GPR52: variants seen among roughly 807,000 people sequenced by gnomAD.
The protein encoded by GPR52 is probable G-protein coupled receptor 52.
In GPR52, 8 loss-of-function variants were observed where a neutral mutation model predicts 24.0. The ratio of observed to expected loss-of-function variants is 0.33; its 90% CI spans 0.20 to 0.60. The LOEUF is 0.60. GPR52 is among the 20% of genes least tolerant of loss of function. The pLI is 0.82. For missense variants in GPR52, 412 were observed against 447.7 expected (o/e 0.92, Z 0.72); for synonymous variants, 144 against 158.1 (o/e 0.91, Z 0.67).
At position 174,449,029 on chromosome 1, in the gene GPR52, A is replaced by G. The variant is rs145628903; in HGVS notation, c.918A>G (p.Ala306=). 6 of 1,613,880 alleles carry G rather than the reference A, an allele frequency of 3.7e-6. No homozygotes were observed. The highest frequency in any genetic ancestry group is 4.2e-6 in the Non-Finnish European group (5 of 1,179,880). Residue 306 remains alanine, a synonymous_variant, in exon 1 of 1, where the codon GCA becomes GCG. Coordinates refer to ENST00000367685, the MANE Select transcript of GPR52 (RefSeq NM_005684.5). ...PTLSFLTTWL[A]ISNSFCNCVI... Reference sequence around the variant, plus strand: ...TGTCCTTCTTAACAACCTGGCTTGCAATAAGTAATAGTTTTTGTAACTGTG... The same window carrying G: ...TGTCCTTCTTAACAACCTGGCTTGCGATAAGTAATAGTTTTTGTAACTGTG...
rs774567932 is a variant in GPR52, at chr1:174,448,873, G to T, written c.762G>T (p.Glu254Asp). Residue 254 changes from glutamate to aspartate, a missense_variant, in exon 1 of 1, where the codon GAG (glutamate) becomes GAT (aspartate). Transcript: ENST00000367685. This position sits in a 1 kb window ranked among gnomAD's most constrained non-coding sequence, Gnocchi z 4.2. Reference sequence around the variant, plus strand: ...GTCATGAGGTAGATTCTTCCAGAGAGACTGGACACAGCCCTGACCGTCGCT... The same window carrying T: ...GTCATGAGGTAGATTCTTCCAGAGATACTGGACACAGCCCTGACCGTCGCT... ...FPSHEVDSSRETGHSPDRRYA... is the reference protein window; with the variant it reads ...FPSHEVDSSRDTGHSPDRRYA... 12 of 1,613,804 alleles carry T rather than the reference G, an allele frequency of 7.4e-6. No individual in the cohort carries two copies. In the Admixed American group the frequency reaches 2.0e-4, roughly 27 times the overall value.
Position 174,447,972 on chromosome 1 carries a change from G to T in GPR52, c.-140G>T. ...GGTGAAGAGACTTGAGCACTCTCTG[G>T]GACTCTCAGCTGTGACAGAAGCACT... On this transcript the variant is annotated 5_prime_UTR_variant, in exon 1 of 1. Transcript: ENST00000367685. 1.6e-6 allele frequency: 1 copy of T among 614,102 alleles called. No homozygotes were observed. 38.0% of individuals were successfully genotyped at this position (614,102 alleles called of 1,614,324 possible). A position where few individuals can be genotyped will look rare whatever the true frequency, so the allele number is the denominator to read the frequency against.
Position 174,448,085 on chromosome 1 carries a change from C to CT in GPR52, c.-26dup. The CT allele has an allele frequency of 6.3e-7, 1 of 1,589,036 alleles. No individual in the cohort carries two copies. The highest frequency in any genetic ancestry group is 8.6e-7 in the Non-Finnish European group (1 of 1,166,048). ...GGGCATCTGCTTGCTGTAGCCAAGT[C>CT]TGCAGGTGTCTTTAAATTTCCAAGC... On this transcript the variant is annotated 5_prime_UTR_variant, in exon 1 of 1. An upstream open reading frame in the 5' UTR loses its in-frame stop. Transcript: ENST00000367685. This position sits in a 1 kb window ranked among gnomAD's most constrained non-coding sequence, Gnocchi z 4.2.
Position 174,449,134 on chromosome 1 carries a change from T to C in GPR52, c.1023T>C (p.Cys341=). 1 of 1,612,474 alleles carries C rather than the reference T, an allele frequency of 6.2e-7. No individual in the cohort carries two copies. The highest frequency in any genetic ancestry group is 8.5e-7 in the Non-Finnish European group (1 of 1,179,246). The change falls in exon 1 of 1, where the codon TGT becomes TGC. Residue 341 remains cysteine, a synonymous_variant. Coordinates refer to ENST00000367685, the MANE Select transcript of GPR52 (RefSeq NM_005684.5). ...LSETMCTSCM[C]VKDQEAQEPK... is the part of the protein sequence containing the mutation. The stretch of plus-strand genomic sequence containing the variant: ...AGACAATGTGCACATCCTGTATGTG[T>C]GTGAAGGATCAGGAAGCACAAGAAC...
chr1:174,448,328 C>G lies in GPR52; in HGVS notation c.217C>G (p.His73Asp). ...CTTTCATTGTGCTCCACTGTTACAT[C>G]ATTATACTACCAGCTATTTCATTCA... ...FVFHCAPLLH[H>D]YTTSYFIQTM... The change falls in exon 1 of 1, where the codon CAT (histidine) becomes GAT (aspartate). Residue 73 changes from histidine to aspartate, a missense_variant. His to Asp is a moderately conservative substitution (Grantham distance 81). Coordinates refer to ENST00000367685, the MANE Select transcript of GPR52 (RefSeq NM_005684.5). This position sits in a 1 kb window ranked among gnomAD's most constrained non-coding sequence, Gnocchi z 4.2. 6.2e-7 allele frequency: 1 copy of G among 1,613,582 alleles called. No individual in the cohort carries two copies. The highest frequency in any genetic ancestry group is 8.5e-7 in the Non-Finnish European group (1 of 1,179,506).
Position 174,449,221 on chromosome 1 carries a change from T to A in GPR52, c.*24T>A, listed in dbSNP as rs1378334896. The A allele has an allele frequency of 6.5e-7, 1 of 1,527,564 alleles. No individual in the cohort carries two copies. The highest frequency in any genetic ancestry group is 2.2e-5 in the Admixed American group (1 of 44,746). 94.6% of individuals were successfully genotyped at this position (1,527,564 alleles called of 1,614,324 possible). A position where few individuals can be genotyped will look rare whatever the true frequency, so the allele number is the denominator to read the frequency against. On this transcript the variant is annotated 3_prime_UTR_variant, in exon 1 of 1. Coordinates refer to ENST00000367685, the MANE Select transcript of GPR52 (RefSeq NM_005684.5). ...GAAGAGAGCTACATAGTAAATCAAA[T>A]GTAATCTGACAGTGGTTTTGGATCA...
Position 174,448,430 on chromosome 1 carries a change from G to C in GPR52, c.319G>C (p.Gly107Arg). The C allele has an allele frequency of 3.7e-6, 6 of 1,613,188 alleles. No individual in the cohort carries two copies. The highest frequency in any genetic ancestry group is 5.1e-6 in the Non-Finnish European group (6 of 1,179,184). Reference sequence around the variant, plus strand: ...TCTGTCACTTCTCCACTACTCCACAGGTGTCCACGAGTCATTGACTTGCCA... The same window carrying C: ...TCTGTCACTTCTCCACTACTCCACACGTGTCCACGAGTCATTGACTTGCCA... Reference protein sequence around the residue: ...PTLSLLHYSTGVHESLTCQVF... With the variant: ...PTLSLLHYSTRVHESLTCQVF... The change falls in exon 1 of 1, where the codon GGT becomes CGT. Residue 107 changes from glycine (G) to arginine (R), a missense_variant. Coordinates refer to ENST00000367685, the MANE Select transcript of GPR52 (RefSeq NM_005684.5). The surrounding 1 kb of genome is among the most constrained non-coding windows in gnomAD (Gnocchi z 4.2).
In GPR52 at chr1:174,448,038, G is replaced by A; in HGVS notation, c.-74G>A. The stretch of plus-strand genomic sequence containing the variant: ...AGCAGGTTCTGAAACACTCATGTGC[G>A]GTGTTTAACAGATGCTGGGCAGGGC... On this transcript the variant is annotated 5_prime_UTR_variant, in exon 1 of 1. Transcript: ENST00000367685. This position sits in a 1 kb window ranked among gnomAD's most constrained non-coding sequence, Gnocchi z 4.2. 7 of 1,244,736 alleles carry A rather than the reference G, an allele frequency of 5.6e-6. No homozygotes were observed. Among genetic ancestry groups the A allele is most frequent in the Admixed American group, 2.0e-5 (1 of 50,104 alleles). 77.1% of individuals were successfully genotyped at this position (1,244,736 alleles called of 1,614,324 possible). A position where few individuals can be genotyped will look rare whatever the true frequency, so the allele number is the denominator to read the frequency against.
Position 174,448,577 on chromosome 1 carries a change from T to C in GPR52, c.466T>C (p.Cys156Arg). 6.2e-7 allele frequency: 1 copy of C among 1,614,010 alleles called. No individual in the cohort carries two copies. The highest frequency in any genetic ancestry group is 8.5e-7 in the Non-Finnish European group (1 of 1,179,868). The change falls in exon 1 of 1, where the codon TGT (cysteine) becomes CGT (arginine). Residue 156 changes from cysteine to arginine, a missense_variant. Physicochemically the swap from Cys to Arg is radical, Grantham distance 180. Transcript: ENST00000367685. This position sits in a 1 kb window ranked among gnomAD's most constrained non-coding sequence, Gnocchi z 4.2. ...TTCCTACAATCAACTGGTCACCCCT[T>C]GTCGCTTGAGAATTTGCATTATTTT... ...PLSYNQLVTP[C>R]RLRICIILIW... is the part of the protein sequence containing the mutation.
In GPR52 at chr1:174,448,436, C is replaced by A; in HGVS notation, c.325C>A (p.His109Asn). 1 of 1,613,300 alleles carries A rather than the reference C, an allele frequency of 6.2e-7. No homozygotes were observed. The highest frequency in any genetic ancestry group is 1.1e-5 in the South Asian group (1 of 91,042). Residue 109 changes from histidine to asparagine, a missense_variant, in exon 1 of 1, where the codon CAC (histidine) becomes AAC (asparagine). His to Asn is a moderately conservative substitution (Grantham distance 68). Coordinates refer to ENST00000367685, the MANE Select transcript of GPR52 (RefSeq NM_005684.5). The surrounding 1 kb of genome is among the most constrained non-coding windows in gnomAD (Gnocchi z 4.2). ...LSLLHYSTGV[H>N]ESLTCQVFGY... Reference sequence around the variant, plus strand: ...ACTTCTCCACTACTCCACAGGTGTCCACGAGTCATTGACTTGCCAGGTTTT... The same window carrying A: ...ACTTCTCCACTACTCCACAGGTGTCAACGAGTCATTGACTTGCCAGGTTTT...
chr1:174,448,589 A>G lies in GPR52; in HGVS notation c.478A>G (p.Ile160Val), dbSNP rs1655062517. The part of the protein sequence containing the change: ...NQLVTPCRLR[I>V]CIILIWIYSC... ...ACTGGTCACCCCTTGTCGCTTGAGA[A>G]TTTGCATTATTTTGATCTGGATCTA... The change falls in exon 1 of 1, where the codon ATT (isoleucine) becomes GTT (valine). Residue 160 changes from isoleucine (I) to valine (V), a missense_variant. Physicochemically the swap from Ile to Val is conservative, Grantham distance 29 (BLOSUM62 3). Coordinates refer to ENST00000367685, the MANE Select transcript of GPR52 (RefSeq NM_005684.5). This position sits in a 1 kb window ranked among gnomAD's most constrained non-coding sequence, Gnocchi z 4.2. 1 of 1,614,000 alleles carries G rather than the reference A, an allele frequency of 6.2e-7. No individual in the cohort carries two copies. Among genetic ancestry groups the G allele is most frequent in the South Asian group, 1.1e-5 (1 of 91,082 alleles).
chr1:174,448,190 T>G lies in GPR52; in HGVS notation c.79T>G (p.Cys27Gly). 6.2e-7 allele frequency: 1 copy of G among 1,613,874 alleles called. No homozygotes were observed. The highest frequency in any genetic ancestry group is 8.5e-7 in the Non-Finnish European group (1 of 1,179,782). Reference protein sequence around the residue: ...GIVNVSERHSCPLGFGHYSVV... With the variant: ...GIVNVSERHSGPLGFGHYSVV... ...TGTGAATGTGTCCGAGCGTCACTCCTGCCCACTTGGATTTGGCCACTACAG... is the reference window on the plus strand; with the variant it reads ...TGTGAATGTGTCCGAGCGTCACTCCGGCCCACTTGGATTTGGCCACTACAG... Residue 27 changes from cysteine (C) to glycine (G), a missense_variant, in exon 1 of 1, where the codon TGC becomes GGC. Physicochemically the swap from Cys to Gly is radical, Grantham distance 159. Coordinates refer to ENST00000367685, the MANE Select transcript of GPR52 (RefSeq NM_005684.5). The surrounding 1 kb of genome is among the most constrained non-coding windows in gnomAD (Gnocchi z 4.2).
At position 174,449,202 on chromosome 1, in the gene GPR52, A is replaced by T; in HGVS notation, c.*5A>T. 6.4e-7 allele frequency: 1 copy of T among 1,561,626 alleles called. No individual in the cohort carries two copies. The highest frequency in any genetic ancestry group is 8.6e-7 in the Non-Finnish European group (1 of 1,158,754). Reference sequence around the variant, plus strand: ...GCTAATTCTTGCTCCATTTGAAGAGAGCTACATAGTAAATCAAATGTAATC... The same window carrying T: ...GCTAATTCTTGCTCCATTTGAAGAGTGCTACATAGTAAATCAAATGTAATC... On this transcript the variant is annotated 3_prime_UTR_variant, in exon 1 of 1. Coordinates refer to ENST00000367685, the MANE Select transcript of GPR52 (RefSeq NM_005684.5).
Position 174,448,872 on chromosome 1 carries a change from A to G in GPR52, c.761A>G (p.Glu254Gly). 1.2e-6 allele frequency: 2 copies of G among 1,613,838 alleles called. No homozygotes were observed. The highest frequency in any genetic ancestry group is 4.5e-5 in the East Asian group (2 of 44,878). The change falls in exon 1 of 1, where the codon GAG becomes GGG. Residue 254 changes from glutamate (E) to glycine (G), a missense_variant. Glu to Gly is a moderately conservative substitution (Grantham distance 98). Transcript: ENST00000367685. This position sits in a 1 kb window ranked among gnomAD's most constrained non-coding sequence, Gnocchi z 4.2. ...AGTCATGAGGTAGATTCTTCCAGAG[A>G]GACTGGACACAGCCCTGACCGTCGC... ...FPSHEVDSSRETGHSPDRRYA... is the reference protein window; with the variant it reads ...FPSHEVDSSRGTGHSPDRRYA...
Position 174,449,377 on chromosome 1 carries a change from T to TTATATATATATATATATATATATATAA in GPR52, c.*180_*181insTATATATATATATATATATATATATAA. On this transcript the variant is annotated 3_prime_UTR_variant, in exon 1 of 1. Coordinates refer to ENST00000367685, the MANE Select transcript of GPR52 (RefSeq NM_005684.5). ...TCATGGAAGAAACTAAAGGGAAGGA[T>TTATATATATATATATATATATATATAA]GTATAGAGGGTTAGCTCATGAAATA... is the stretch of plus-strand genomic sequence containing the variant. 6.6e-6 allele frequency among the ~76,000 whole-genome samples: 1 copy of TTATATATATATATATATATATATATAA among 152,080 alleles called. No individual in the cohort carries two copies.
chr1:174,448,824 A>G lies in GPR52; in HGVS notation c.713A>G (p.Asn238Ser). 6.2e-7 allele frequency: 1 copy of G among 1,614,150 alleles called. No homozygotes were observed. The part of the protein sequence containing the change: ...KICRQHTKEI[N>S]DRRARFPSHE... ...TGCCGTCAGCACACCAAAGAGATAA[A>G]TGACCGAAGAGCCCGATTCCCTAGT... The change falls in exon 1 of 1, where the codon AAT becomes AGT. Residue 238 changes from asparagine (N) to serine (S), a missense_variant. By Grantham distance (46) the Asn-to-Ser change is conservative. Coordinates refer to ENST00000367685, the MANE Select transcript of GPR52 (RefSeq NM_005684.5). The surrounding 1 kb of genome is among the most constrained non-coding windows in gnomAD (Gnocchi z 4.2).
rs1333947865 is a variant in GPR52, at chr1:174,449,296, T to G, written c.*99T>G. 9.8e-7 allele frequency: 1 copy of G among 1,017,910 alleles called. No homozygotes were observed. Among genetic ancestry groups the G allele is most frequent in the East Asian group, 2.4e-5 (1 of 41,408 alleles). 63.1% of individuals were successfully genotyped at this position (1,017,910 alleles called of 1,614,324 possible). ...GCCATCAGAGAAATATTTACTTGAA[T>G]AGTTGACTGTAAAATGAAGTATGAG... On this transcript the variant is annotated 3_prime_UTR_variant, in exon 1 of 1. Transcript: ENST00000367685.
chr1:174,449,448 C>T lies in GPR52; in HGVS notation c.*251C>T, dbSNP rs1655181421. On this transcript the variant is annotated 3_prime_UTR_variant, in exon 1 of 1. Coordinates refer to ENST00000367685, the MANE Select transcript of GPR52 (RefSeq NM_005684.5). The stretch of plus-strand genomic sequence containing the variant: ...GTGTGCAGTAATAGGAAAAATTAAG[C>T]ACTGAGATGAAAAAGAATATCTCAA... Among the ~76,000 whole-genome samples the T allele has an allele frequency of 2.0e-5, 3 of 152,098 alleles. No homozygotes were observed. In the South Asian group the frequency reaches 6.2e-4, roughly 31 times the overall value.
At position 174,448,729 on chromosome 1, in the gene GPR52, T is replaced by C; in HGVS notation, c.618T>C (p.Phe206=). 6.2e-7 allele frequency: 1 copy of C among 1,614,042 alleles called. No homozygotes were observed. The highest frequency in any genetic ancestry group is 8.5e-7 in the Non-Finnish European group (1 of 1,179,906). ...TCACCAGTGCCTATTTTACTGGCTT[T>C]ATTGTTTGTTTACTTTATGCTCCTG... ...SWLTSAYFTG[F]IVCLLYAPAA... is the part of the protein sequence containing the mutation. Residue 206 remains phenylalanine (F), a synonymous_variant, in exon 1 of 1, where the codon TTT becomes TTC. Coordinates refer to ENST00000367685, the MANE Select transcript of GPR52 (RefSeq NM_005684.5). The surrounding 1 kb of genome is among the most constrained non-coding windows in gnomAD (Gnocchi z 4.2).
Sources: gnomAD v4.1 joint callset for allele counts (sites outside exome capture counted in the v4.1 genomes callset) on GRCh38, gnomAD v4.1.1 for gene constraint, Gnocchi (gnomAD v3.1) non-coding constraint, MANE v1.5 for transcripts, NCBI Gene and HGNC (gene_info 2026-07-23, HGNC 2026-07-21) for gene names.